The following SLIT2 variants were observed in gnomAD, a reference collection of about 807,000 sequenced individuals.
SLIT2 encodes the protein slit guidance ligand 2.
Under a neutral mutation model 185.7 loss-of-function variants are expected in SLIT2, and 41 were observed. The observed-to-expected ratio is 0.22, with a 90% confidence interval of 0.17 to 0.29. The LOEUF is 0.29. Among genes scored for constraint, SLIT2 ranks in the 10% least tolerant of loss-of-function variants. The pLI is 1.00. For synonymous variants in SLIT2, 693 were observed against 680.2 expected (o/e 1.02, Z -0.29); for missense variants, 1,571 against 1,909.0 (o/e 0.82, Z 3.30).
chr4:20,568,788 T>C, intron 28 of SLIT2, 77 bp from the exon 29 acceptor site: 1 of 1,366,232 alleles, frequency 7.3e-7, no homozygotes, highest in Non-Finnish European at 1.0e-6. Flanking sequence ...GTAATTATGC[T>C]TTTTTCAATA....
intron 12 of SLIT2, among the ~76,000 whole-genome samples, chr4:20,522,878 T>C (rs1234598522): frequency 2.0e-5 from 3 of 152,056 alleles, no homozygotes. Context: ...AATAGACATA[T>C]GGATGATTTA....
At chr4:20,472,548 A>ATATAGATCTATATCGATATATC (rs1560455064) in intron 5 of SLIT2, among the ~76,000 whole-genome samples, 1 of 20,270 alleles carries the variant, frequency 4.9e-5, no homozygotes, top group Non-Finnish European at 7.7e-5. Flanking sequence ...ATCTATATCT[A>ATATAGATCTATATCGATATATC]TATATAGATA....
chr4:20,594,327 T>A (rs1727797049), intron 30 of SLIT2, among the ~76,000 whole-genome samples: 1 of 151,472 alleles, frequency 6.6e-6, no homozygotes, highest in Non-Finnish European at 1.5e-5. Context: ...ATGAGAAAAC[T>A]ATGACCTAGC....
chr4:20,524,544 T>C lies in SLIT2; in HGVS notation c.1438+367T>C, dbSNP rs372699656. Among the ~76,000 whole-genome samples, 41 of 152,320 alleles carry C rather than the reference T, an allele frequency of 2.7e-4. No individual in the cohort carries two copies. In the East Asian group the frequency reaches 3.1e-3, roughly 11 times the overall value. On this transcript the variant is annotated intron_variant, in intron 14 of 36. Transcript: ENST00000504154. ...GACCAGCCTCAAGTAATTAACTGTG[T>C]TTTCATTTCTTCAGAAAGTGAATTG...
intron 30 of SLIT2, among the ~76,000 whole-genome samples, chr4:20,590,765 G>A (rs1301811793): frequency 6.6e-6 from 1 of 152,166 alleles, no homozygotes; most frequent in Non-Finnish European, 1.5e-5. Flanking sequence ...TCTTTTTAGA[G>A]CTGGCAGTAG....
chr4:20,490,273 C>G (rs978300739), intron 8 of SLIT2, among the ~76,000 whole-genome samples: 2 of 152,082 alleles, frequency 1.3e-5, no homozygotes, highest in Non-Finnish European at 2.9e-5. Context: ...AATATTATCT[C>G]TATATTTGGA....
chr4:20,297,195 A>G (rs1486670263), intron 4 of SLIT2, among the ~76,000 whole-genome samples: 2 of 152,208 alleles, frequency 1.3e-5, no homozygotes, highest in Non-Finnish European at 2.9e-5. Context: ...ATATTTTAAA[A>G]TAGTTAATAA....
rs559959082 is a variant in SLIT2 at position 20,586,244 on chromosome 4, C to T, written c.3089-3400C>T. ...TTAATATTTAGTCAGGGAAAATTCACAGTAATGTTTAAAGAGAATAGCATA... is the reference window on the plus strand; with the variant it reads ...TTAATATTTAGTCAGGGAAAATTCATAGTAATGTTTAAAGAGAATAGCATA... On this transcript the variant is annotated intron_variant, in intron 29 of 36. Transcript: ENST00000504154. 6.6e-5 allele frequency among the ~76,000 whole-genome samples: 10 copies of T among 152,232 alleles called. No homozygotes were observed. In the South Asian group the frequency reaches 2.1e-3, roughly 32 times the overall value.
intron 4 of SLIT2, among the ~76,000 whole-genome samples, chr4:20,425,891 G>A (rs574478912): frequency 4.9e-4 from 75 of 152,246 alleles, no homozygotes; most frequent in African/African-American, 1.8e-3. Flanking sequence ...TTCTCTGCCT[G>A]CCTCTCCCTC....
chr4:20,568,527 A>G (rs200941098), intron 28 of SLIT2, among the ~76,000 whole-genome samples: 1 of 152,024 alleles, frequency 6.6e-6, no homozygotes, highest in Non-Finnish European at 1.5e-5. Context: ...ATTTTATTAG[A>G]GCACAACTCA....
At chr4:20,352,527 G>C (rs1208226586) in intron 4 of SLIT2, among the ~76,000 whole-genome samples, 1 of 152,084 alleles carries the variant, frequency 6.6e-6, no homozygotes, top group Non-Finnish European at 1.5e-5. Context: ...TTAAAATTTT[G>C]GCTGTTGGAA....
At chr4:20,326,552 T>A (rs1489073887) in intron 4 of SLIT2, among the ~76,000 whole-genome samples, 2 of 151,844 alleles carry the variant, frequency 1.3e-5, no homozygotes, top group African/African-American at 4.8e-5. Context: ...GTGCTTGCAT[T>A]TTTTCCTTGG....
chr4:20,342,928 T>C (rs1332410584), intron 4 of SLIT2, among the ~76,000 whole-genome samples: 2 of 151,918 alleles, frequency 1.3e-5, no homozygotes, highest in East Asian at 1.9e-4. Context: ...TTTCTTTTTT[T>C]CTTTCATTCT....
intron 33 of SLIT2, among the ~76,000 whole-genome samples, chr4:20,600,377 T>C (rs1332356172): frequency 6.6e-6 from 1 of 151,686 alleles, no homozygotes; most frequent in East Asian, 1.9e-4. Context: ...GGATGGAGTG[T>C]ATCTTGTGAC....
At chr4:20,258,603 C>T (rs972914344) in intron 3 of SLIT2, among the ~76,000 whole-genome samples, 1 of 151,588 alleles carries the variant, frequency 6.6e-6, no homozygotes, top group Non-Finnish European at 1.5e-5. Context: ...TTTTAAGATA[C>T]GTTTTTTACA....
intron 16 of SLIT2, among the ~76,000 whole-genome samples, chr4:20,530,862 A>G (rs77258315): frequency 3.3e-5 from 5 of 152,124 alleles, no homozygotes; most frequent in Non-Finnish European, 5.9e-5. Flanking sequence ...ACATATACAA[A>G]TGTCCAATAA....
At chr4:20,378,056 T>C (rs183607449) in intron 4 of SLIT2, among the ~76,000 whole-genome samples, 60 of 152,282 alleles carry the variant, frequency 3.9e-4, no homozygotes, top group African/African-American at 1.4e-3. Context: ...TTATGATATG[T>C]ATTATTATAC....
chr4:20,486,136 A>T, intron 6 of SLIT2, 64 bp from the exon 7 acceptor site: 2 of 978,096 alleles, frequency 2.0e-6, no homozygotes, highest in Non-Finnish European at 3.3e-6. Flanking sequence ...TCTCTATGTT[A>T]ATATATAAAA....
At chr4:20,480,628 G>T (rs2125207) in intron 5 of SLIT2, 88 bp from the exon 6 acceptor site, 27,371 of 900,050 alleles carry the variant, frequency 0.03, 568 homozygotes, top group African/African-American at 0.072. Context: ...TGTGTCCAGG[G>T]TATCATAGAC....
Sources: allele counts gnomAD v4.1 joint callset (sites outside exome capture counted in the v4.1 genomes callset), GRCh38; gene constraint gnomAD v4.1.1; transcripts MANE v1.5; gene names NCBI Gene and HGNC (gene_info 2026-07-23, HGNC 2026-07-21).